Variants in ASIC2 observed in about 807,000 individuals in gnomAD.
The protein encoded by ASIC2 is acid sensing ion channel subunit 2.
ASIC2 carries 25 observed loss-of-function variants against 57.3 expected under a neutral mutation model. The ratio of observed to expected loss-of-function variants is 0.44; its 90% confidence interval spans 0.32 to 0.61. The LOEUF (loss-of-function observed/expected upper bound fraction) is 0.61. ASIC2 is among the 20% of genes least tolerant of loss of function. The pLI is 0.06. For synonymous variants in ASIC2, 319 were observed against 307.5 expected (o/e 1.04, Z -0.39); for missense variants, 641 against 738.1 (o/e 0.87, Z 1.52).
At chr17:33,609,277 G>A (rs1434593) in intron 1 of ASIC2, among the ~76,000 whole-genome samples, 2,754 of 152,214 alleles carry the variant, frequency 0.018, 83 homozygotes, top group African/African-American at 0.061. Flanking sequence ...AGACACTGAC[G>A]GCTTCCCAAT....
chr17:33,544,821 T>C lies in ASIC2; in HGVS notation c.556-432754A>G, dbSNP rs1233678383. ...ATAGGTCGGGTATTCCTAGAATGTGTATTCACCTTTAGAATCTTCTGATTT... is the reference window on the plus strand; with the variant it reads ...ATAGGTCGGGTATTCCTAGAATGTGCATTCACCTTTAGAATCTTCTGATTT... On this transcript the variant is annotated intron_variant, in intron 1 of 9. Transcript: ENST00000359872. 2.0e-5 allele frequency among the ~76,000 whole-genome samples: 3 copies of C among 152,178 alleles called. No homozygotes were observed. In the East Asian group the frequency reaches 5.8e-4, roughly 29 times the overall value.
chr17:33,413,122 T>TC (rs1910722042), intron 1 of ASIC2, among the ~76,000 whole-genome samples: 1 of 151,834 alleles, frequency 6.6e-6, no homozygotes. Flanking sequence ...CATCACGCTT[T>TC]CCCCCGAGAT....
chr17:34,131,593 G>A (rs57692134), intron 1 of ASIC2, among the ~76,000 whole-genome samples: 21,774 of 152,240 alleles, frequency 0.14, 1,954 homozygotes, highest in African/African-American at 0.26. Flanking sequence ...CCATTCCTGG[G>A]GGGAAGCCAG....
chr17:34,076,127 C>T (rs576493483), intron 1 of ASIC2, among the ~76,000 whole-genome samples: 12 of 152,174 alleles, frequency 7.9e-5, no homozygotes, highest in Admixed American at 3.3e-4. Context: ...CTCAGCCTTG[C>T]GAGTAGCTGG....
intron 1 of ASIC2, among the ~76,000 whole-genome samples, chr17:33,885,272 C>T (rs547098021): frequency 3.7e-4 from 57 of 152,254 alleles, no homozygotes; most frequent in African/African-American, 1.3e-3. Flanking sequence ...AAAGTCTATA[C>T]TTTTCTCTGT....
At chr17:33,831,026 C>A (rs1913091130) in intron 1 of ASIC2, among the ~76,000 whole-genome samples, 2 of 129,004 alleles carry the variant, frequency 1.6e-5, no homozygotes, top group Non-Finnish European at 3.1e-5. Flanking sequence ...AGGAGAATCA[C>A]TTAGACCGGG....
chr17:33,226,758 C>T (rs1334903161), intron 1 of ASIC2, among the ~76,000 whole-genome samples: 1 of 151,810 alleles, frequency 6.6e-6, no homozygotes, highest in Non-Finnish European at 1.5e-5. Flanking sequence ...TAAGTATCCA[C>T]AGCCAGGGGC....
chr17:33,019,124 G>A (rs1019712740), intron 7 of ASIC2, among the ~76,000 whole-genome samples: 7 of 152,110 alleles, frequency 4.6e-5, no homozygotes, highest in African/African-American at 7.2e-5. Flanking sequence ...TATGTATGTC[G>A]GGGGAGGTGT....
At chr17:33,145,617 C>T (rs1052796430) in intron 1 of ASIC2, among the ~76,000 whole-genome samples, 5 of 152,154 alleles carry the variant, frequency 3.3e-5, no homozygotes, top group Non-Finnish European at 7.4e-5. Flanking sequence ...TACCTATTTC[C>T]GTATTTCTGA....
chr17:33,694,395 T>C (rs906136348), intron 1 of ASIC2, among the ~76,000 whole-genome samples: 1 of 152,140 alleles, frequency 6.6e-6, no homozygotes, highest in African/African-American at 2.4e-5. Context: ...GCACCACCCA[T>C]CCTCCCTTTC....
chr17:33,889,367 T>C (rs1597918134), intron 1 of ASIC2, among the ~76,000 whole-genome samples: 1 of 152,334 alleles, frequency 6.6e-6, no homozygotes. Flanking sequence ...AATTTATCAC[T>C]TCTGCATGTT....
At chr17:33,915,193 C>A (rs1228482146) in intron 1 of ASIC2, among the ~76,000 whole-genome samples, 1 of 152,156 alleles carries the variant, frequency 6.6e-6, no homozygotes, top group Non-Finnish European at 1.5e-5. Flanking sequence ...AGAAGTGAGG[C>A]TCAATAGCTG....
intron 1 of ASIC2, among the ~76,000 whole-genome samples, chr17:33,312,574 G>A (rs1906475110): frequency 6.6e-6 from 1 of 152,168 alleles, no homozygotes; most frequent in African/African-American, 2.4e-5. Context: ...AGAGGGATGA[G>A]CGGCAAGGGC....
chr17:33,406,639 G>A (rs749720475), intron 1 of ASIC2, among the ~76,000 whole-genome samples: 8 of 152,238 alleles, frequency 5.3e-5, no homozygotes, highest in Non-Finnish European at 1.0e-4. Flanking sequence ...GGATTAAATA[G>A]ATTAAAATGT....
intron 1 of ASIC2, among the ~76,000 whole-genome samples, chr17:33,500,652 T>C (rs1163745558): frequency 6.6e-6 from 1 of 152,246 alleles, no homozygotes; most frequent in Non-Finnish European, 1.5e-5. Context: ...ATATTGTGTA[T>C]GTTGAGGATT....
intron 3 of ASIC2, among the ~76,000 whole-genome samples, chr17:33,035,080 T>C (rs531018579): frequency 4.6e-5 from 7 of 152,292 alleles, no homozygotes; most frequent in Admixed American, 4.6e-4. Context: ...TTGGCATTCA[T>C]TTATTATTTT....
chr17:33,175,320 G>T (rs958965038), intron 1 of ASIC2, among the ~76,000 whole-genome samples: 1 of 152,144 alleles, frequency 6.6e-6, no homozygotes, highest in Non-Finnish European at 1.5e-5. Context: ...TCTTTAGGGC[G>T]CATTCTGGGC....
intron 1 of ASIC2, among the ~76,000 whole-genome samples, chr17:33,640,311 G>A (rs1906519242): frequency 6.6e-6 from 1 of 152,062 alleles, no homozygotes; most frequent in African/African-American, 2.4e-5. Context: ...AGGGATGAGG[G>A]GATTTGAAAG....
intron 1 of ASIC2, among the ~76,000 whole-genome samples, chr17:33,905,141 C>CTTTTT (rs57064859): frequency 4.6e-5 from 4 of 87,854 alleles, no homozygotes; most frequent in African/African-American, 4.5e-5. Context: ...TAGTTTAAGG[C>CTTTTT]TTTTTTTTTT....
Sources: allele counts gnomAD v4.1 joint callset (sites outside exome capture counted in the v4.1 genomes callset), GRCh38; gene constraint gnomAD v4.1.1; transcripts MANE v1.5; gene names NCBI Gene and HGNC (gene_info 2026-07-23, HGNC 2026-07-21).